SCN2A: variants seen among roughly 807,000 people sequenced by gnomAD.
The protein encoded by SCN2A is sodium voltage-gated channel alpha subunit 2, also known as sodium channel protein type 2 subunit alpha.
SCN2A carries 20 observed loss-of-function variants against 188.7 expected under a neutral mutation model. The observed-to-expected ratio is 0.11, with a 90% CI of 0.07 to 0.15. The LOEUF is 0.15. Ranked by LOEUF, SCN2A falls within the 10% of genes least tolerant of loss-of-function variation. The pLI is 1.00. For missense variants in SCN2A, 1,278 were observed against 2,445.0 expected (o/e 0.52, Z 10.07); for synonymous variants, 804 against 833.1 (o/e 0.97, Z 0.60).
intron 6 of SCN2A, among the ~76,000 whole-genome samples, chr2:165,309,728 G>A (rs917913416): frequency 1.3e-5 from 2 of 152,108 alleles, no homozygotes; most frequent in Non-Finnish European, 2.9e-5. Flanking sequence ...CCGCATAGAA[G>A]CTAGACTAAG....
chr2:165,308,139 G>A (rs1697239238), intron 4 of SCN2A, among the ~76,000 whole-genome samples: 1 of 152,082 alleles, frequency 6.6e-6, no homozygotes, highest in Non-Finnish European at 1.5e-5. Context: ...TACTGCAGTA[G>A]TTTGACTGCT....
intron 3 of SCN2A, among the ~76,000 whole-genome samples, chr2:165,306,276 A>C (rs997731578): frequency 6.6e-6 from 1 of 152,150 alleles, no homozygotes; most frequent in Non-Finnish European, 1.5e-5. Flanking sequence ...GATGGAGCCT[A>C]GTAGGAAAAT....
intron 16 of SCN2A, among the ~76,000 whole-genome samples, chr2:165,345,375 T>G (rs978222804): frequency 6.6e-6 from 1 of 152,174 alleles, no homozygotes; most frequent in Non-Finnish European, 1.5e-5. Context: ...AAACATTAAT[T>G]GTCATTTCTG....
intron 1 of SCN2A, chr2:165,290,714 C>G (rs543696273): frequency 5.3e-6 from 5 of 943,896 alleles, no homozygotes; most frequent in Admixed American, 1.2e-4. Flanking sequence ...GAAGTTGACA[C>G]TCATCATAGA....
chr2:165,370,820 G>T (rs1700986601), intron 20 of SCN2A: 1 of 157,910 alleles, frequency 6.3e-6, no homozygotes, highest in Non-Finnish European at 1.4e-5. Context: ...AACCACATTG[G>T]TGTTGAAATA....
intron 16 of SCN2A, among the ~76,000 whole-genome samples, chr2:165,350,515 C>T (rs1286612759): frequency 1.5e-5 from 2 of 131,590 alleles, no homozygotes; most frequent in East Asian, 4.4e-4. Context: ...CTCTGTCGCC[C>T]AGGCTGGAGT....
At chr2:165,317,173 C>A (rs1697800364) in intron 11 of SCN2A, among the ~76,000 whole-genome samples, 1 of 151,972 alleles carries the variant, frequency 6.6e-6, no homozygotes, top group African/African-American at 2.4e-5. Context: ...AGATTGCATA[C>A]TTGGGGATTA....
At chr2:165,334,407 C>T (rs921237967) in intron 14 of SCN2A, among the ~76,000 whole-genome samples, 1 of 151,786 alleles carries the variant, frequency 6.6e-6, no homozygotes, top group Non-Finnish European at 1.5e-5. Context: ...AGCCAAATCA[C>T]ATAACATATT....
intron 3 of SCN2A, among the ~76,000 whole-genome samples, chr2:165,301,160 A>G (rs550546010): frequency 2.0e-5 from 3 of 152,332 alleles, no homozygotes; most frequent in Admixed American, 1.3e-4. Flanking sequence ...CAACTTGAGC[A>G]AACCAATTTG....
At chr2:165,329,911 C>A (rs563261358) in intron 13 of SCN2A, among the ~76,000 whole-genome samples, 2 of 152,048 alleles carry the variant, frequency 1.3e-5, no homozygotes, top group African/African-American at 4.8e-5. Context: ...AAACTGGGCA[C>A]TTGAAGAATT....
chr2:165,297,868 CA>C (rs1306838763), intron 3 of SCN2A, among the ~76,000 whole-genome samples: 2 of 151,990 alleles, frequency 1.3e-5, no homozygotes, highest in Non-Finnish European at 2.9e-5. Context: ...ACCTGCTTTC[CA>C]AAAATGAGAT....
At chr2:165,287,694 T>C (rs576455156) in intron 1 of SCN2A, among the ~76,000 whole-genome samples, 1 of 152,306 alleles carries the variant, frequency 6.6e-6, no homozygotes, top group Admixed American at 6.5e-5. Context: ...ACATTGCTTC[T>C]CTTCTCTGCT....
chr2:165,249,519 C>T (rs1298031933), intron 1 of SCN2A, among the ~76,000 whole-genome samples: 1 of 151,938 alleles, frequency 6.6e-6, no homozygotes, highest in Admixed American at 6.6e-5. Flanking sequence ...TTTTTAGTTT[C>T]AGTTAGAAGC....
intron 12 of SCN2A, 59 bp downstream of exon 12, chr2:165,323,559 G>A: frequency 2.7e-6 from 4 of 1,471,510 alleles, no homozygotes; most frequent in Non-Finnish European, 3.7e-6. Flanking sequence ...GCAGGCAGGA[G>A]TGTTTTTCCA....
intron 14 of SCN2A, among the ~76,000 whole-genome samples, chr2:165,336,530 C>T (rs1231553401): frequency 6.6e-6 from 1 of 151,800 alleles, no homozygotes; most frequent in South Asian, 2.1e-4. Flanking sequence ...TCATAACAGG[C>T]AAATCCATAG....
intron 1 of SCN2A, among the ~76,000 whole-genome samples, chr2:165,242,368 A>C (rs1342473069): frequency 1.3e-5 from 2 of 152,198 alleles, no homozygotes; most frequent in East Asian, 3.8e-4. Context: ...AAGTTGACGG[A>C]ATAACAATAT....
chr2:165,239,600 C>A lies in SCN2A; in HGVS notation c.-92C>A. 1 of 981,292 alleles carries A rather than the reference C, an allele frequency of 1.0e-6. No homozygotes were observed. The allele number at this position is 981,292 out of a possible 1,614,324, so 60.8% of individuals were successfully genotyped here. Reference sequence around the variant, plus strand: ...TGGAGACTGTTATATTCAACACATACGTGGATTCTGTGTTATGATTTACAT... The same window carrying A: ...TGGAGACTGTTATATTCAACACATAAGTGGATTCTGTGTTATGATTTACAT... On this transcript the variant is annotated 5_prime_UTR_variant, in exon 1 of 27. Transcript: ENST00000375437.
chr2:165,309,084 G>A, intron 5 of SCN2A: 2 of 1,463,498 alleles, frequency 1.4e-6, no homozygotes, highest in Admixed American at 3.5e-5. Flanking sequence ...CGACACTCAT[G>A]AAATTAAAAA....
At chr2:165,284,520 T>A (rs1023003438) in intron 1 of SCN2A, among the ~76,000 whole-genome samples, 1 of 152,148 alleles carries the variant, frequency 6.6e-6, no homozygotes. Flanking sequence ...ACCTGCTCAT[T>A]CATGGGGAAG....
Sources: allele counts gnomAD v4.1 joint callset (sites outside exome capture counted in the v4.1 genomes callset), GRCh38; gene constraint gnomAD v4.1.1; transcripts MANE v1.5; gene names NCBI Gene and HGNC (gene_info 2026-07-23, HGNC 2026-07-21).